Variants in VWA8 observed in about 807,000 individuals in gnomAD.
The protein encoded by VWA8 is von Willebrand factor A domain containing 8, also known as von Willebrand factor A domain-containing protein 8.
A neutral mutation model predicts 241.5 loss-of-function variants in VWA8; 221 were observed. The observed-to-expected ratio is 0.91, with a 90% CI of 0.82 to 1.02. VWA8 has a LOEUF of 1.02. VWA8 is among the 50% of genes least tolerant of loss of function. The pLI, the probability that VWA8 is intolerant of heterozygous loss-of-function variation, is 0.00. For missense variants in VWA8, 2,322 were observed against 2,328.7 expected (o/e 1.00, Z 0.06); for synonymous variants, 852 against 827.1 (o/e 1.03, Z -0.52).
chr13:41,695,618 C>T lies in VWA8; in HGVS notation c.3565-2646G>A, dbSNP rs564418546. On this transcript the variant is annotated intron_variant, in intron 29 of 44. Coordinates refer to ENST00000379310, the MANE Select transcript of VWA8 (RefSeq NM_015058.2). ...ATATTGTAAAATAAGATACTCTCTC[C>T]GGGAAAAGAGAAGGCAGTTTAGAGG... is the stretch of plus-strand genomic sequence containing the variant. Among the ~76,000 whole-genome samples the T allele has an allele frequency of 2.4e-4, 36 of 152,094 alleles. No homozygotes were observed. The East Asian group carries it at 4.0e-3, about 17-fold the overall frequency.
chr13:41,941,377 T>G (rs1461281604), intron 2 of VWA8, among the ~76,000 whole-genome samples: 1 of 152,178 alleles, frequency 6.6e-6, no homozygotes, highest in Non-Finnish European at 1.5e-5. Context: ...TATCCTCTGT[T>G]GAACGCTATC....
At chr13:41,609,537 G>A (rs977167454) in intron 39 of VWA8, among the ~76,000 whole-genome samples, 9 of 152,102 alleles carry the variant, frequency 5.9e-5, no homozygotes, top group African/African-American at 1.7e-4. Context: ...CGGGTCCATC[G>A]CATTCATTAT....
At chr13:41,689,291 A>G in intron 34 of VWA8, 63 bp downstream of exon 34, 4 of 1,516,540 alleles carry the variant, frequency 2.6e-6, no homozygotes, top group Non-Finnish European at 3.5e-6. Flanking sequence ...ACAGGCTTAC[A>G]GATTATAGGT....
At chr13:41,898,842 C>T (rs1217285655) in intron 4 of VWA8, among the ~76,000 whole-genome samples, 1 of 152,174 alleles carries the variant, frequency 6.6e-6, no homozygotes, top group Non-Finnish European at 1.5e-5. Flanking sequence ...CCCTCATTGC[C>T]CGGGGCCTGC....
chr13:41,885,487 T>C (rs1874477505), intron 8 of VWA8, among the ~76,000 whole-genome samples: 1 of 152,212 alleles, frequency 6.6e-6, no homozygotes. Flanking sequence ...AAGCCACCCT[T>C]GCACACATGC....
At chr13:41,846,048 CTT>C (rs11288349) in intron 12 of VWA8, among the ~76,000 whole-genome samples, 47 of 142,310 alleles carry the variant, frequency 3.3e-4, no homozygotes, top group Middle Eastern at 3.6e-3. Flanking sequence ...CTTTTTAGTT[CTT>C]TTTTTTTTTT....
rs1054216296 is a variant in VWA8 at position 41,587,623 on chromosome 13, A to T, written c.5160T>A (p.Asp1720Glu). 4.3e-6 allele frequency: 7 copies of T among 1,614,204 alleles called. No individual in the cohort carries two copies. Among genetic ancestry groups the T allele is most frequent in the Non-Finnish European group, 5.1e-6 (6 of 1,180,036 alleles). Residue 1720 changes from aspartate (D) to glutamate (E), a missense_variant, in exon 42 of 45, where the codon GAT (aspartate) becomes GAA (glutamate). By Grantham distance (45) the Asp-to-Glu change is conservative (BLOSUM62 2). Transcript: ENST00000379310. ...QKPKRLRLVV[D>E]VSGSMYRFNR... ...TGAAACGGTACATGCTACCAGACACATCTACCACCAGGCGCAGACGCTTGG... is the reference window on the plus strand; with the variant it reads ...TGAAACGGTACATGCTACCAGACACTTCTACCACCAGGCGCAGACGCTTGG...
intron 26 of VWA8, among the ~76,000 whole-genome samples, chr13:41,714,726 T>C (rs1324900692): frequency 1.3e-5 from 2 of 152,014 alleles, no homozygotes; most frequent in African/African-American, 4.8e-5. Flanking sequence ...AAATGATCTC[T>C]GTTGTGCCAA....
intron 9 of VWA8, among the ~76,000 whole-genome samples, chr13:41,882,149 T>G (rs142797247): frequency 0.24 from 34,182 of 144,068 alleles, 3,989 homozygotes; most frequent in Middle Eastern, 0.31. Flanking sequence ...GTGGAGGTGC[T>G]CCTCACATCC....
chr13:41,891,777 C>T (rs139351571), intron 4 of VWA8, among the ~76,000 whole-genome samples, 190 bp from the exon 5 acceptor site: 42 of 152,182 alleles, frequency 2.8e-4, no homozygotes, highest in Non-Finnish European at 5.9e-4. Context: ...CCTCTTTGGG[C>T]CTGTTTATTC....
At chr13:41,912,276 T>C in intron 2 of VWA8, 108 bp from the exon 3 acceptor site, 3 of 775,786 alleles carry the variant, frequency 3.9e-6, no homozygotes, top group Non-Finnish European at 5.3e-6. Context: ...ATATAAAATA[T>C]GTGTTTATCT....
chr13:41,910,588 A>G (rs999279419), intron 3 of VWA8, among the ~76,000 whole-genome samples: 1 of 151,692 alleles, frequency 6.6e-6, no homozygotes, highest in Admixed American at 6.6e-5. Context: ...CATCTCAAAA[A>G]AAACAAAAAA....
intron 12 of VWA8, among the ~76,000 whole-genome samples, chr13:41,852,949 G>T (rs923163263): frequency 1.3e-5 from 2 of 152,072 alleles, no homozygotes; most frequent in African/African-American, 2.4e-5. Context: ...GGTTCCATAT[G>T]AATTTTAGTA....
intron 9 of VWA8, among the ~76,000 whole-genome samples, chr13:41,874,684 T>C (rs919929686): frequency 6.6e-6 from 1 of 152,146 alleles, no homozygotes; most frequent in Non-Finnish European, 1.5e-5. Context: ...GGCTTCCCTA[T>C]TCATCCTTAC....
intron 21 of VWA8, among the ~76,000 whole-genome samples, chr13:41,745,614 T>C (rs1231318669): frequency 6.6e-6 from 1 of 152,164 alleles, no homozygotes; most frequent in African/African-American, 2.4e-5. Context: ...AAAATGCTTA[T>C]CATCACTGAT....
chr13:41,610,833 T>C (rs1032224783), intron 39 of VWA8, among the ~76,000 whole-genome samples: 1 of 152,130 alleles, frequency 6.6e-6, no homozygotes, highest in Non-Finnish European at 1.5e-5. Context: ...ATCATGTGGA[T>C]TCTTCTTATT....
At chr13:41,888,985 C>CTTTTTCATT (rs1874687246) in intron 5 of VWA8, among the ~76,000 whole-genome samples, 1 of 152,124 alleles carries the variant, frequency 6.6e-6, no homozygotes, top group African/African-American at 2.4e-5. Flanking sequence ...AAATATTTCT[C>CTTTTTCATT]TTTTTCATTT....
chr13:41,789,066 C>A (rs1164193330), intron 17 of VWA8, among the ~76,000 whole-genome samples: 1 of 152,098 alleles, frequency 6.6e-6, no homozygotes, highest in African/African-American at 2.4e-5. Flanking sequence ...CAATCTAGCA[C>A]CCAGACAGCA....
chr13:41,682,812 T>C (rs1421947888), intron 35 of VWA8, among the ~76,000 whole-genome samples: 1 of 152,072 alleles, frequency 6.6e-6, no homozygotes, highest in Non-Finnish European at 1.5e-5. Flanking sequence ...GATTTAAAAA[T>C]GGGCAAAAGA....
Sources: gnomAD v4.1 joint callset for allele counts (sites outside exome capture counted in the v4.1 genomes callset) on GRCh38, gnomAD v4.1.1 for gene constraint, MANE v1.5 for transcripts, NCBI Gene and HGNC (gene_info 2026-07-23, HGNC 2026-07-21) for gene names.